The following TNRC6A variants were observed in gnomAD, a reference collection of about 807,000 sequenced individuals.
TNRC6A encodes the protein trinucleotide repeat-containing gene 6A protein.
Under a neutral mutation model 221.2 loss-of-function variants are expected in TNRC6A, and 44 were observed. The observed-to-expected ratio is 0.20, with a 90% CI of 0.16 to 0.26. TNRC6A has a LOEUF of 0.26. Among genes scored for constraint, TNRC6A ranks in the 10% least tolerant of loss-of-function variants. The pLI, the probability that TNRC6A is intolerant of heterozygous loss-of-function variation, is 1.00. For missense variants in TNRC6A, 2,199 were observed against 2,404.4 expected (o/e 0.91, Z 1.79); for synonymous variants, 847 against 838.5 (o/e 1.01, Z -0.18).
intron 4 of TNRC6A, among the ~76,000 whole-genome samples, chr16:24,772,680 G>A (rs1186752090): frequency 6.6e-6 from 1 of 152,048 alleles, no homozygotes; most frequent in African/African-American, 2.4e-5. Context: ...CTTCTCCTCA[G>A]GCTGAGGCAT....
chr16:24,810,552 T>G (rs1596799520), intron 18 of TNRC6A, among the ~76,000 whole-genome samples: 1 of 151,952 alleles, frequency 6.6e-6, no homozygotes, highest in Non-Finnish European at 1.5e-5. Context: ...TCTAGAAAGG[T>G]GAAAAAGACT....
intron 4 of TNRC6A, among the ~76,000 whole-genome samples, chr16:24,761,359 G>C (rs1465423): frequency 0.18 from 27,129 of 152,094 alleles, 2,526 homozygotes; most frequent in Middle Eastern, 0.2. Flanking sequence ...GTATGTCCTT[G>C]AAACAGCAGG....
chr16:24,797,734 A>G (rs1463416249), intron 10 of TNRC6A, among the ~76,000 whole-genome samples, 164 bp downstream of exon 10: 1 of 152,232 alleles, frequency 6.6e-6, no homozygotes, highest in Non-Finnish European at 1.5e-5. Context: ...GGTTTTAGCT[A>G]AAAACTTCAA....
intron 2 of TNRC6A, among the ~76,000 whole-genome samples, chr16:24,675,684 CTCTCTCTCTCTCTCTCTCTATATATATA>C (rs1278533347): frequency 4.3e-4 from 35 of 81,632 alleles, no homozygotes; most frequent in African/African-American, 5.8e-4. Context: ...CTCTCTCTCT[CTCTCTCTCTCTCTCTCTCTATATATATA>C]TATATATATA....
intron 2 of TNRC6A, among the ~76,000 whole-genome samples, chr16:24,717,770 CTTT>C (rs71383705): frequency 9.3e-6 from 1 of 107,366 alleles, no homozygotes; most frequent in African/African-American, 3.5e-5. Context: ...TTTTTTTTTT[CTTT>C]TTTTTTTTTT....
intron 2 of TNRC6A, among the ~76,000 whole-genome samples, chr16:24,704,771 C>T (rs1441743786): frequency 6.6e-6 from 1 of 151,404 alleles, no homozygotes; most frequent in Non-Finnish European, 1.5e-5. Flanking sequence ...GCAAATCCCC[C>T]AGCTGTGCAC....
intron 2 of TNRC6A, among the ~76,000 whole-genome samples, chr16:24,667,399 A>G (rs1164457647): frequency 1.3e-5 from 2 of 152,216 alleles, no homozygotes; most frequent in Non-Finnish European, 2.9e-5. Context: ...AGGCCTCTTG[A>G]GGCCCAGACT....
intron 10 of TNRC6A, 93 bp from the exon 11 acceptor site, chr16:24,797,822 C>T (rs2058250333): frequency 1.7e-6 from 2 of 1,152,954 alleles, no homozygotes; most frequent in Non-Finnish European, 2.4e-6. Flanking sequence ...ACTTGAATTT[C>T]ACAGATAATG....
At chr16:24,713,742 G>A (rs2056256587) in intron 2 of TNRC6A, among the ~76,000 whole-genome samples, 1 of 152,060 alleles carries the variant, frequency 6.6e-6, no homozygotes, top group Non-Finnish European at 1.5e-5. Flanking sequence ...TGCTTCCCAG[G>A]TTCAAGTGAT....
intron 2 of TNRC6A, among the ~76,000 whole-genome samples, chr16:24,671,454 T>C (rs2055300462): frequency 6.6e-6 from 1 of 152,258 alleles, no homozygotes; most frequent in South Asian, 2.1e-4. Context: ...AGGATGCTGG[T>C]TGGAATGATG....
At chr16:24,714,952 C>CT (rs1213527214) in intron 2 of TNRC6A, among the ~76,000 whole-genome samples, 1 of 151,160 alleles carries the variant, frequency 6.6e-6, no homozygotes, top group Non-Finnish European at 1.5e-5. Context: ...TCTCGGCTCA[C>CT]TGCAAGCTCC....
At chr16:24,781,924 A>G (rs1021874960) in intron 5 of TNRC6A, among the ~76,000 whole-genome samples, 3 of 150,908 alleles carry the variant, frequency 2.0e-5, no homozygotes, top group African/African-American at 2.4e-5. Flanking sequence ...CCAGGTTCAC[A>G]CCATTCTCCT....
Position 24,791,019 on chromosome 16 carries a change from G to A in TNRC6A, c.2377G>A (p.Gly793Arg), listed in dbSNP as rs1364762696. ...CGATCCCAAACCTGCTCTGAGGTGG[G>A]GAGATTCCAAAGGCTCAAACTGCCA... ...WGDPKPALRW[G>R]DSKGSNCQGG... Residue 793 changes from glycine to arginine, a missense_variant, in exon 6 of 25, where the codon GGA (glycine) becomes AGA (arginine). By Grantham distance (125) the Gly-to-Arg change is moderately radical (BLOSUM62 -2). Coordinates refer to ENST00000395799, the MANE Select transcript of TNRC6A (RefSeq NM_014494.4). 1 of 1,591,790 alleles carries A rather than the reference G, an allele frequency of 6.3e-7. No homozygotes were observed. Among genetic ancestry groups the A allele is most frequent in the African/African-American group, 1.3e-5 (1 of 74,604 alleles).
chr16:24,706,164 C>G (rs2056089091), intron 2 of TNRC6A, among the ~76,000 whole-genome samples: 2 of 152,162 alleles, frequency 1.3e-5, no homozygotes, highest in East Asian at 3.8e-4. Flanking sequence ...AAAATACACA[C>G]TTTGTTCATC....
At chr16:24,700,042 G>T (rs917481235) in intron 2 of TNRC6A, among the ~76,000 whole-genome samples, 2 of 152,046 alleles carry the variant, frequency 1.3e-5, no homozygotes, top group Non-Finnish European at 2.9e-5. Context: ...TTTAGGTTCT[G>T]GGTGCCCAAA....
chr16:24,654,255 T>G (rs1902829884), intron 2 of TNRC6A, among the ~76,000 whole-genome samples: 1 of 152,170 alleles, frequency 6.6e-6, no homozygotes, highest in Non-Finnish European at 1.5e-5. Context: ...ATTAAATGAA[T>G]CTATATATTG....
At chr16:24,793,702 C>A in intron 7 of TNRC6A, 53 bp downstream of exon 7, 1 of 1,290,554 alleles carries the variant, frequency 7.7e-7, no homozygotes, top group Non-Finnish European at 1.0e-6. Context: ...CGAACACTCA[C>A]TGACTATAAT....
Position 24,789,589 on chromosome 16 carries a change from C to G in TNRC6A, c.947C>G (p.Ser316Cys). Residue 316 changes from serine to cysteine, a missense_variant, in exon 6 of 25, where the codon TCC (serine) becomes TGC (cysteine). Transcript: ENST00000395799. ...AGTAGTACTGGGCCATGGGGTTTTT[C>G]CCATGGAGCCATAATAAGCACATGT... Reference protein sequence around the residue: ...HGSSTGPWGFSHGAIISTCQV... With the variant: ...HGSSTGPWGFCHGAIISTCQV... 1.2e-6 allele frequency: 2 copies of G among 1,614,002 alleles called. No homozygotes were observed. The highest frequency in any genetic ancestry group is 1.7e-6 in the Non-Finnish European group (2 of 1,180,018).
At chr16:24,804,497 C>T in intron 12 of TNRC6A, 178 bp downstream of exon 12, 1 of 1,088,550 alleles carries the variant, frequency 9.2e-7, no homozygotes, top group Non-Finnish European at 1.3e-6. Context: ...ATAGAGGTTG[C>T]ATTTATATTT....
Sources: allele counts gnomAD v4.1 joint callset (sites outside exome capture counted in the v4.1 genomes callset), GRCh38; gene constraint gnomAD v4.1.1; transcripts MANE v1.5; gene names NCBI Gene and HGNC (gene_info 2026-07-23, HGNC 2026-07-21).